TMPRSS11A: variants seen among roughly 807,000 people sequenced by gnomAD.
The protein encoded by TMPRSS11A is transmembrane serine protease 11A.
Under a neutral mutation model 58.9 loss-of-function variants are expected in TMPRSS11A, and 53 were observed. The observed-to-expected ratio is 0.90, with a 90% CI of 0.72 to 1.13. The LOEUF is 1.13. Among genes scored for constraint, TMPRSS11A ranks in the 50% most tolerant of loss-of-function variants. The probability of loss-of-function intolerance (pLI) is 0.00; values close to 1 mark genes in which losing one functional copy is unlikely to be tolerated. For missense variants in TMPRSS11A, 493 were observed against 499.3 expected (o/e 0.99, Z 0.12); for synonymous variants, 167 against 169.8 (o/e 0.98, Z 0.13).
In TMPRSS11A at chr4:67,944,651, G is replaced by A. The variant is rs1720959365; in HGVS notation, c.134-14C>T. 1 of 1,600,574 alleles carries A rather than the reference G, an allele frequency of 6.2e-7. No individual in the cohort carries two copies. Among genetic ancestry groups the A allele is most frequent in the East Asian group, 2.2e-5 (1 of 44,742 alleles). Reference sequence around the variant, plus strand: ...CCTTTTTTTGGTCTGCAATGGAAATGAAAAATAGGAAACTAAATGGTTTGG... The same window carrying A: ...CCTTTTTTTGGTCTGCAATGGAAATAAAAAATAGGAAACTAAATGGTTTGG... On this transcript the variant is annotated splice_polypyrimidine_tract_variant and intron_variant, in intron 2 of 9. Coordinates refer to ENST00000508048, the MANE Select transcript of TMPRSS11A (RefSeq NM_001114387.2).
intron 1 of TMPRSS11A, among the ~76,000 whole-genome samples, chr4:67,954,663 C>T (rs1721241098): frequency 6.6e-6 from 1 of 152,156 alleles, no homozygotes; most frequent in African/African-American, 2.4e-5. Context: ...AGCATAGTCA[C>T]ATATTAGTTT....
chr4:67,923,069 C>T, intron 6 of TMPRSS11A, 143 bp from the exon 7 acceptor site: 1 of 692,336 alleles, frequency 1.4e-6, no homozygotes, highest in Non-Finnish European at 2.4e-6. Flanking sequence ...GATTCATGGC[C>T]TCTTCTCTCT....
At chr4:67,930,829 T>TTTTTCAA (rs1265700805) in intron 4 of TMPRSS11A, among the ~76,000 whole-genome samples, 1 of 90,158 alleles carries the variant, frequency 1.1e-5, no homozygotes, top group Non-Finnish European at 2.1e-5. Context: ...TTTTTTTTTT[T>TTTTTCAA]ACAAAAAAAA....
chr4:67,933,609 AAAGCCC>A (rs1327657947), intron 3 of TMPRSS11A, among the ~76,000 whole-genome samples: 2 of 152,224 alleles, frequency 1.3e-5, no homozygotes, highest in Non-Finnish European at 2.9e-5. Flanking sequence ...TTAAATAAAG[AAAGCCC>A]CATTTAGCTG....
chr4:67,958,431 A>T (rs750260518), intron 1 of TMPRSS11A, among the ~76,000 whole-genome samples: 4 of 152,200 alleles, frequency 2.6e-5, no homozygotes, highest in Non-Finnish European at 5.9e-5. Flanking sequence ...GACCCAAAGG[A>T]GATCATTTTG....
At chr4:67,950,182 G>T (rs1721124390) in intron 1 of TMPRSS11A, among the ~76,000 whole-genome samples, 3 of 152,174 alleles carry the variant, frequency 2.0e-5, no homozygotes. Context: ...TGAAATCAAG[G>T]CTTTGATTGG....
At chr4:67,913,535 C>A (rs973383286) in intron 9 of TMPRSS11A, among the ~76,000 whole-genome samples, 1 of 152,194 alleles carries the variant, frequency 6.6e-6, no homozygotes, top group African/African-American at 2.4e-5. Flanking sequence ...ATCTCTATGA[C>A]CACCAATCCC....
chr4:67,913,288 G>A (rs969159518), intron 9 of TMPRSS11A, among the ~76,000 whole-genome samples: 2 of 152,242 alleles, frequency 1.3e-5, no homozygotes, highest in East Asian at 3.9e-4. Context: ...GAGGGCTCTG[G>A]AGAGAAAGAC....
intron 1 of TMPRSS11A, among the ~76,000 whole-genome samples, chr4:67,962,427 C>T (rs184436810): frequency 4.6e-5 from 7 of 152,174 alleles, no homozygotes; most frequent in Admixed American, 6.5e-5. Context: ...AAGGAAGACT[C>T]GACTCCAAGG....
chr4:67,958,788 A>G (rs1370935298), intron 1 of TMPRSS11A, among the ~76,000 whole-genome samples: 1 of 152,180 alleles, frequency 6.6e-6, no homozygotes, highest in Non-Finnish European at 1.5e-5. Context: ...CCCAAATCTC[A>G]TCTTGAACTG....
At chr4:67,937,356 A>G (rs1464217517) in intron 3 of TMPRSS11A, among the ~76,000 whole-genome samples, 1 of 152,302 alleles carries the variant, frequency 6.6e-6, no homozygotes, top group Non-Finnish European at 1.5e-5. Flanking sequence ...AAACTGATAC[A>G]GGGAAATGAG....
At chr4:67,934,850 GCAGT>G (rs1322968443) in intron 3 of TMPRSS11A, among the ~76,000 whole-genome samples, 1 of 152,068 alleles carries the variant, frequency 6.6e-6, no homozygotes, top group African/African-American at 2.4e-5. Context: ...TCCCCTTACA[GCAGT>G]CAATGTATTC....
intron 1 of TMPRSS11A, among the ~76,000 whole-genome samples, chr4:67,959,230 G>A (rs1221799405): frequency 6.6e-6 from 1 of 152,158 alleles, no homozygotes; most frequent in South Asian, 2.1e-4. Context: ...GGAGTGACTA[G>A]TATTGTGAAT....
chr4:67,934,779 C>T (rs968806321), intron 3 of TMPRSS11A, among the ~76,000 whole-genome samples: 2 of 152,146 alleles, frequency 1.3e-5, no homozygotes, highest in African/African-American at 4.8e-5. Flanking sequence ...AGCTTTCATT[C>T]CTGAATTAAC....
At chr4:67,961,483 CTTTTTTTTTTTTTTTTTTTTTT>C (rs1553924063) in intron 1 of TMPRSS11A, among the ~76,000 whole-genome samples, 1 of 7,162 alleles carries the variant, frequency 1.4e-4, no homozygotes, top group African/African-American at 2.5e-4. Flanking sequence ...TTTTCTTTTC[CTTTTTTTTTTTTTTTTTTTTTT>C]TTTTTTTTTT....
rs767964251 is a variant in TMPRSS11A, at chr4:67,944,509, C to A, written c.252+10G>T. Reference sequence around the variant, plus strand: ...TTATTCTATGATAAAAAGAAGTTTACCTGACTCACCAAATTTTCGGTCGTC... The same window carrying A: ...TTATTCTATGATAAAAAGAAGTTTAACTGACTCACCAAATTTTCGGTCGTC... On this transcript the variant is annotated intron_variant, in intron 3 of 9. Transcript: ENST00000508048. The A allele has an allele frequency of 1.9e-6, 3 of 1,606,466 alleles. No individual in the cohort carries two copies. In the East Asian group the frequency reaches 6.7e-5, roughly 36 times the overall value.
intron 1 of TMPRSS11A, among the ~76,000 whole-genome samples, chr4:67,957,448 G>A (rs745871211): frequency 2.0e-5 from 3 of 152,128 alleles, no homozygotes; most frequent in Admixed American, 6.5e-5. Flanking sequence ...CAAAAGTGAC[G>A]CTTGTTATGT....
rs960852964 is a variant in TMPRSS11A, at chr4:67,910,932, C to T, written c.*410G>A. 2 of 153,528 alleles carry T rather than the reference C, an allele frequency of 1.3e-5. No individual in the cohort carries two copies. The highest frequency in any genetic ancestry group is 2.9e-5 in the Non-Finnish European group (2 of 69,092). 9.5% of individuals were successfully genotyped at this position (153,528 alleles called of 1,614,324 possible). A position where few individuals can be genotyped will look rare whatever the true frequency, so the allele number is the denominator to read the frequency against. ...AAAAAGAAAAAAAAGTATTTGTGAG[C>T]TCGAGAGAAATGTAGGGAATTATAC... On this transcript the variant is annotated 3_prime_UTR_variant, in exon 10 of 10. Transcript: ENST00000508048.
intron 9 of TMPRSS11A, 22 bp downstream of exon 9, chr4:67,914,566 T>TA (rs766450449): frequency 3.8e-5 from 61 of 1,608,686 alleles, no homozygotes; most frequent in Non-Finnish European, 4.6e-5. Flanking sequence ...GTTAGTAATA[T>TA]AAAAAAATCC....
Sources: allele counts gnomAD v4.1 joint callset (sites outside exome capture counted in the v4.1 genomes callset), GRCh38; gene constraint gnomAD v4.1.1; transcripts MANE v1.5; gene names NCBI Gene and HGNC (gene_info 2026-07-23, HGNC 2026-07-21).